The following LMBR1 variants were observed in gnomAD, a reference collection of about 807,000 sequenced individuals.
LMBR1 encodes the protein limb development membrane protein 1.
A neutral mutation model predicts 73.9 loss-of-function variants in LMBR1; 52 were observed. The ratio of observed to expected loss-of-function variants is 0.70; its 90% confidence interval spans 0.56 to 0.89. The LOEUF is 0.89. LMBR1 is among the 40% of genes least tolerant of loss of function. The pLI is 0.00. For synonymous variants in LMBR1, 215 were observed against 209.4 expected, an observed-to-expected ratio of 1.03 and a Z score of -0.23; for missense variants, 539 against 579.8, an observed-to-expected ratio of 0.93 and a Z score of 0.72.
At chr7:156,823,993 G>A (rs1835215976) in intron 4 of LMBR1, 1 of 152,228 alleles carries the variant, frequency 6.6e-6, no homozygotes, top group African/African-American at 2.4e-5. Flanking sequence ...AGGAGGCTGA[G>A]GCAGGAGAAT....
intron 9 of LMBR1, among the ~76,000 whole-genome samples, chr7:156,748,570 C>A (rs138948548): frequency 1.3e-5 from 2 of 152,206 alleles, no homozygotes; most frequent in East Asian, 3.9e-4. Context: ...CTCATTGCGA[C>A]CTCTGCTGCC....
At chr7:156,775,737 T>C (rs1452658078) in intron 5 of LMBR1, among the ~76,000 whole-genome samples, 1 of 152,214 alleles carries the variant, frequency 6.6e-6, no homozygotes, top group Non-Finnish European at 1.5e-5. Context: ...ATGACTTATG[T>C]AGTAAGAGTA....
downstream of LMBR1, chr7:156,676,386 C>G (rs753204431): frequency 3.1e-6 from 5 of 1,613,888 alleles, no homozygotes; most frequent in Non-Finnish European, 4.2e-6. Flanking sequence ...TGAAACTAAC[C>G]CGCGTGGCCT....
At chr7:156,764,643 A>T (rs1823752924) in intron 5 of LMBR1, among the ~76,000 whole-genome samples, 1 of 152,232 alleles carries the variant, frequency 6.6e-6, no homozygotes, top group Non-Finnish European at 1.5e-5. Context: ...AAATACATCC[A>T]TATTTCTCAA....
At chr7:156,743,400 G>C (rs906093296) in intron 9 of LMBR1, among the ~76,000 whole-genome samples, 1 of 152,114 alleles carries the variant, frequency 6.6e-6, no homozygotes, top group African/African-American at 2.4e-5. Context: ...ATCCGTAAAA[G>C]GGGGTGTATC....
rs577561420 is a variant in LMBR1 at position 156,680,795 on chromosome 7, A to T, written c.*3283T>A. On this transcript the variant is annotated 3_prime_UTR_variant, in exon 17 of 17. Coordinates refer to ENST00000353442, the MANE Select transcript of LMBR1 (RefSeq NM_022458.4). ...TGGAATTAAACTATAAATACCCTTA[A>T]GTTTTAGCCATGATAATATTTAAGA... 1 of 196,854 alleles carries T rather than the reference A, an allele frequency of 5.1e-6. No homozygotes were observed. Among genetic ancestry groups the T allele is most frequent in the Non-Finnish European group, 1.0e-5 (1 of 97,748 alleles). The allele number at this position is 196,854 out of a possible 1,614,324, so 12.2% of individuals were successfully genotyped here. A position where few individuals can be genotyped will look rare whatever the true frequency, so the allele number is the denominator to read the frequency against.
intron 4 of LMBR1, among the ~76,000 whole-genome samples, chr7:156,803,170 G>C (rs565443330): frequency 6.6e-6 from 1 of 152,122 alleles, no homozygotes; most frequent in African/African-American, 2.4e-5. Context: ...TTAAACTCAA[G>C]AGCTTCTGCA....
At chr7:156,833,425 C>T (rs569557525) in intron 3 of LMBR1, 3 of 258,650 alleles carry the variant, frequency 1.2e-5, no homozygotes, top group East Asian at 1.3e-4. Flanking sequence ...GTCCGCTGCT[C>T]GGTTCAAGAG....
At chr7:156,676,461 C>A (rs763475503), downstream of LMBR1, 2 of 1,614,078 alleles carry the variant, frequency 1.2e-6, no homozygotes, top group Admixed American at 3.3e-5. Context: ...CTGCCTGGCC[C>A]CTCTCTCCGC....
intron 5 of LMBR1, among the ~76,000 whole-genome samples, chr7:156,767,341 A>T (rs567559185): frequency 1.4e-3 from 211 of 152,316 alleles, no homozygotes; most frequent in Non-Finnish European, 2.7e-3. Context: ...AAATAAAGAG[A>T]AATATAAATA....
intron 1 of LMBR1, among the ~76,000 whole-genome samples, chr7:156,888,029 G>A (rs534799504): frequency 3.9e-5 from 6 of 152,268 alleles, no homozygotes; most frequent in East Asian, 3.9e-4. Flanking sequence ...GTGAAGATGC[G>A]GAAGAACCAG....
intron 1 of LMBR1, among the ~76,000 whole-genome samples, chr7:156,862,617 C>G (rs1797889073): frequency 6.6e-6 from 1 of 152,110 alleles, no homozygotes; most frequent in South Asian, 2.1e-4. Context: ...AAACTTCGCT[C>G]TGCAAAAGAC....
At chr7:156,859,249 A>G (rs1459462356) in intron 1 of LMBR1, among the ~76,000 whole-genome samples, 7 of 930 alleles carry the variant, frequency 7.5e-3, no homozygotes, top group Admixed American at 0.062. Flanking sequence ...ACTCCGTCTC[A>G]AAAAAAAAAA....
intron 1 of LMBR1, among the ~76,000 whole-genome samples, chr7:156,855,666 C>CAAAAAAAAAA (rs35231167): frequency 4.6e-5 from 4 of 87,290 alleles, no homozygotes; most frequent in African/African-American, 4.5e-5. Context: ...AACGTAAATA[C>CAAAAAAAAAA]AAAAAAAAAA....
chr7:156,745,576 G>T (rs1386598418), intron 9 of LMBR1, among the ~76,000 whole-genome samples: 2 of 152,190 alleles, frequency 1.3e-5, no homozygotes, highest in Non-Finnish European at 2.9e-5. Flanking sequence ...CAAAGGGAGA[G>T]ACTGAAAGGA....
At chr7:156,703,366 G>T (rs1250683213) in intron 15 of LMBR1, among the ~76,000 whole-genome samples, 1 of 152,192 alleles carries the variant, frequency 6.6e-6, no homozygotes, top group Non-Finnish European at 1.5e-5. Context: ...ACAGGAACCA[G>T]GCTGTCTCCT....
rs544637834 is a variant in LMBR1, at chr7:156,812,223, T to C, written c.319+14382A>G. On this transcript the variant is annotated intron_variant, in intron 4 of 16. Transcript: ENST00000353442. ...GACTTGGCAGGTGTAATTAAGGTTA[T>C]GGACCTTCAAATAGGAAGACAGCAA... Among the ~76,000 whole-genome samples, 360 of 152,266 alleles carry C rather than the reference T, an allele frequency of 2.4e-3. 2 individuals are homozygous for C. In the Middle Eastern group the frequency reaches 0.027, roughly 12 times the overall value.
intron 4 of LMBR1, among the ~76,000 whole-genome samples, chr7:156,814,812 A>G (rs1388328312): frequency 6.6e-6 from 1 of 152,180 alleles, no homozygotes; most frequent in Non-Finnish European, 1.5e-5. Flanking sequence ...TTAACACCCA[A>G]TATGTTAAAC....
intron 12 of LMBR1, 48 bp from the exon 13 acceptor site, chr7:156,725,885 T>C (rs752711816): frequency 1.4e-6 from 2 of 1,419,742 alleles, no homozygotes; most frequent in Non-Finnish European, 2.0e-6. Context: ...CACCATTATA[T>C]TGGTTTCCCT....
Sources: gnomAD v4.1 joint callset for allele counts (sites outside exome capture counted in the v4.1 genomes callset) on GRCh38, gnomAD v4.1.1 for gene constraint, MANE v1.5 for transcripts, NCBI Gene and HGNC (gene_info 2026-07-23, HGNC 2026-07-21) for gene names.